The following ZDHHC2 variants were observed in gnomAD, a reference collection of about 807,000 sequenced individuals.
ZDHHC2 encodes the protein zDHHC palmitoyltransferase 2.
ZDHHC2 carries 51 observed loss-of-function variants against 55.6 expected under a neutral mutation model. The observed-to-expected ratio is 0.92, with a 90% CI of 0.73 to 1.16. The LOEUF (loss-of-function observed/expected upper bound fraction) is 1.16, where lower values mean the gene tolerates loss of function less well. Among genes scored for constraint, ZDHHC2 ranks in the 50% most tolerant of loss-of-function variants. The probability of loss-of-function intolerance (pLI) is 0.00; values close to 1 mark genes in which losing one functional copy is unlikely to be tolerated. For synonymous variants in ZDHHC2, 199 were observed against 152.9 expected, an observed-to-expected ratio of 1.30 and a Z score of -2.22; for missense variants, 491 against 442.4, an observed-to-expected ratio of 1.11 and a Z score of -0.99.
intron 1 of ZDHHC2, among the ~76,000 whole-genome samples, chr8:17,158,110 G>A (rs1355738406): frequency 6.6e-6 from 1 of 152,156 alleles, no homozygotes; most frequent in African/African-American, 2.4e-5. Flanking sequence ...AAAACCTTGA[G>A]TCTGTTGTTG....
intron 1 of ZDHHC2, among the ~76,000 whole-genome samples, chr8:17,183,110 C>T (rs1484406108): frequency 6.6e-6 from 1 of 152,160 alleles, no homozygotes; most frequent in Admixed American, 6.5e-5. Flanking sequence ...GTTTTCAGTT[C>T]TCTCCACTCG....
intron 8 of ZDHHC2, among the ~76,000 whole-genome samples, chr8:17,209,720 A>G (rs34234595): frequency 0.14 from 21,805 of 152,182 alleles, 1,652 homozygotes; most frequent in South Asian, 0.25. Context: ...ATAAAAAGGC[A>G]TATTTTAAAA....
intron 8 of ZDHHC2, among the ~76,000 whole-genome samples, chr8:17,208,396 T>C (rs1216854100): frequency 6.6e-6 from 1 of 151,406 alleles, no homozygotes; most frequent in Non-Finnish European, 1.5e-5. Flanking sequence ...AACAGTCTAA[T>C]GAGGGGCACT....
chr8:17,181,180 C>T (rs191534674), intron 1 of ZDHHC2, among the ~76,000 whole-genome samples: 12 of 152,168 alleles, frequency 7.9e-5, no homozygotes, highest in Non-Finnish European at 1.8e-4. Context: ...CTCATATGTC[C>T]GCTTTGATAT....
chr8:17,192,795 G>T (rs761878691), intron 3 of ZDHHC2, among the ~76,000 whole-genome samples: 12 of 152,112 alleles, frequency 7.9e-5, no homozygotes, highest in African/African-American at 2.7e-4. Flanking sequence ...TGATTTTTGC[G>T]TATGGCAAGA....
At chr8:17,199,546 T>TGTCTTCTGTCTTCGTCTTC (rs1554466114) in intron 6 of ZDHHC2, among the ~76,000 whole-genome samples, 1,325 of 40,656 alleles carry the variant, frequency 0.033, 95 homozygotes, top group South Asian at 0.16. Context: ...CTTCGTCTTC[T>TGTCTTCTGTCTTCGTCTTC]GTCTTCGTCT....
chr8:17,188,975 C>G (rs907721630), intron 3 of ZDHHC2, among the ~76,000 whole-genome samples: 2 of 152,096 alleles, frequency 1.3e-5, no homozygotes, highest in African/African-American at 4.8e-5. Context: ...TATACCCTCA[C>G]CCTCAGAGTA....
intron 10 of ZDHHC2, among the ~76,000 whole-genome samples, chr8:17,212,378 C>G (rs73669034): frequency 0.031 from 4,774 of 152,220 alleles, 269 homozygotes; most frequent in African/African-American, 0.11. Context: ...CCACCCTAAA[C>G]CAGAATCTCC....
At position 17,211,288 on chromosome 8, in the gene ZDHHC2, T is replaced by C. The variant is rs189041777; in HGVS notation, c.950+808T>C. ...CAGTAGCAAAAGCATAACCATAATA[T>C]CATTCTTCATTAAACGTTAGAGCTT... On this transcript the variant is annotated intron_variant, in intron 10 of 12. Transcript: ENST00000262096. 3.9e-5 allele frequency among the ~76,000 whole-genome samples: 6 copies of C among 152,238 alleles called. No individual in the cohort carries two copies. In the South Asian group the frequency reaches 6.2e-4, roughly 16 times the overall value.
chr8:17,173,664 G>A (rs575929221), intron 1 of ZDHHC2, among the ~76,000 whole-genome samples: 3 of 143,716 alleles, frequency 2.1e-5, no homozygotes, highest in African/African-American at 4.9e-5. Context: ...CTTGAGAGAC[G>A]GAAAAAGACC....
chr8:17,159,626 GTGTT>G (rs1804231054), intron 1 of ZDHHC2, among the ~76,000 whole-genome samples: 1 of 152,128 alleles, frequency 6.6e-6, no homozygotes, highest in South Asian at 2.1e-4. Context: ...TTTTTGCTTA[GTGTT>G]TGTATTTTAT....
chr8:17,219,960 G>T (rs545176717), intron 12 of ZDHHC2, among the ~76,000 whole-genome samples: 1 of 152,062 alleles, frequency 6.6e-6, no homozygotes, highest in Non-Finnish European at 1.5e-5. Flanking sequence ...CAGCAACATT[G>T]TCATGACCTG....
chr8:17,187,444 C>T (rs1401552623), intron 3 of ZDHHC2, among the ~76,000 whole-genome samples: 2 of 151,830 alleles, frequency 1.3e-5, no homozygotes, highest in Admixed American at 1.3e-4. Context: ...AGACTGTTTA[C>T]TGAAGTAATC....
At chr8:17,160,242 A>G (rs763166901) in intron 1 of ZDHHC2, among the ~76,000 whole-genome samples, 7 of 152,210 alleles carry the variant, frequency 4.6e-5, no homozygotes, top group East Asian at 3.9e-4. Flanking sequence ...AAAAGTTTCA[A>G]TAGTACAAGA....
intron 11 of ZDHHC2, 80 bp from the exon 12 acceptor site, chr8:17,217,092 C>G (rs532110518): frequency 2.1e-6 from 3 of 1,423,380 alleles, no homozygotes; most frequent in East Asian, 2.3e-5. Flanking sequence ...CAAGGGATTC[C>G]TTATTCATAG....
At chr8:17,217,096 T>C (rs1807687533) in intron 11 of ZDHHC2, 76 bp from the exon 12 acceptor site, 3 of 1,450,486 alleles carry the variant, frequency 2.1e-6, no homozygotes, top group Non-Finnish European at 2.9e-6. Flanking sequence ...GGATTCCTTA[T>C]TCATAGATGA....
chr8:17,205,590 T>A, intron 6 of ZDHHC2, 65 bp from the exon 7 acceptor site: 1 of 1,462,588 alleles, frequency 6.8e-7, no homozygotes. Context: ...AACACTTGCT[T>A]GAGCATATGC....
intron 11 of ZDHHC2, among the ~76,000 whole-genome samples, chr8:17,215,608 C>T (rs1807610103): frequency 6.6e-6 from 1 of 151,994 alleles, no homozygotes; most frequent in Admixed American, 6.6e-5. Context: ...CACCATTCCT[C>T]AAATAAAATG....
intron 1 of ZDHHC2, among the ~76,000 whole-genome samples, chr8:17,175,425 G>A (rs774160758): frequency 6.6e-6 from 1 of 152,084 alleles, no homozygotes; most frequent in African/African-American, 2.4e-5. Flanking sequence ...GGCATTTCAC[G>A]CTGCAGAAAA....
Sources: gnomAD v4.1 joint callset for allele counts (sites outside exome capture counted in the v4.1 genomes callset) on GRCh38, gnomAD v4.1.1 for gene constraint, MANE v1.5 for transcripts, NCBI Gene and HGNC (gene_info 2026-07-23, HGNC 2026-07-21) for gene names.